The following PHF10 variants were observed in gnomAD, a reference collection of about 807,000 sequenced individuals.
PHF10 encodes BRG1-associated factor 45a.
PHF10 carries 51 observed loss-of-function variants against 68.5 expected under a neutral mutation model. The observed-to-expected ratio is 0.74, with a 90% CI of 0.59 to 0.94. The LOEUF is 0.94. PHF10 is among the 40% of genes least tolerant of loss of function. The pLI is 0.00. For missense variants in PHF10, 460 were observed against 602.6 expected (o/e 0.76, Z 2.48); for synonymous variants, 204 against 203.5 (o/e 1.00, Z -0.02).
chr6:169,720,989 G>A lies in PHF10; in HGVS notation c.194+16C>T, dbSNP rs772535705. ...AACATCACAAAAAATATTAATAACC[G>A]ATAAAATGACAGTACCCAAGATCTT... On this transcript the variant is annotated intron_variant, in intron 2 of 11. Coordinates refer to ENST00000339209, the MANE Select transcript of PHF10 (RefSeq NM_018288.4). 29 of 1,375,014 alleles carry A rather than the reference G, an allele frequency of 2.1e-5. No homozygotes were observed. The South Asian group carries it at 2.5e-4, about 12-fold the overall frequency. The allele number at this position is 1,375,014 out of a possible 1,614,324, so 85.2% of individuals were successfully genotyped here.
intron 11 of PHF10, 67 bp from the exon 12 acceptor site, chr6:169,704,155 A>G: frequency 8.3e-7 from 1 of 1,200,748 alleles, no homozygotes; most frequent in South Asian, 1.6e-5. Flanking sequence ...AAGCCCATCT[A>G]AACTCTTCTG....
intron 7 of PHF10, among the ~76,000 whole-genome samples, chr6:169,714,417 T>C (rs1788996764): frequency 6.6e-6 from 1 of 152,236 alleles, no homozygotes; most frequent in South Asian, 2.1e-4. Context: ...TCCAACAAGC[T>C]TCTGAGCAAT....
chr6:169,704,939 T>C (rs1788724252), intron 11 of PHF10, 194 bp downstream of exon 11: 4 of 426,638 alleles, frequency 9.4e-6, no homozygotes, highest in Non-Finnish European at 1.7e-5. Flanking sequence ...TTCTGGCCTT[T>C]CACTTATCCT....
Position 169,712,487 on chromosome 6 carries a change from G to T in PHF10, c.856C>A (p.Pro286Thr), listed in dbSNP as rs1182586191. The T allele has an allele frequency of 6.2e-7, 1 of 1,613,446 alleles. No individual in the cohort carries two copies. Among genetic ancestry groups the T allele is most frequent in the Non-Finnish European group, 8.5e-7 (1 of 1,179,406 alleles). ...GCAGGGAGCTCAGGATCCAGAGGGGGCTCATACAGGGCTGTGTTTAATGGC... is the reference window on the plus strand; with the variant it reads ...GCAGGGAGCTCAGGATCCAGAGGGGTCTCATACAGGGCTGTGTTTAATGGC... ...YLPLNTALYE[P>T]PLDPELPALD... The change falls in exon 8 of 12, where the codon CCC becomes ACC. Residue 286 changes from proline to threonine, a missense_variant. Pro to Thr is a conservative substitution (Grantham distance 38). Transcript: ENST00000339209.
At chr6:169,711,675 C>G (rs1469523243) in intron 8 of PHF10, among the ~76,000 whole-genome samples, 1 of 152,174 alleles carries the variant, frequency 6.6e-6, no homozygotes, top group African/African-American at 2.4e-5. Context: ...TCTTATTTTG[C>G]ATAATATGTA....
intron 8 of PHF10, among the ~76,000 whole-genome samples, chr6:169,710,754 T>C (rs1157332622): frequency 1.3e-5 from 2 of 152,144 alleles, no homozygotes; most frequent in African/African-American, 4.8e-5. Context: ...CAAAAATATA[T>C]TGTTACAAAT....
intron 8 of PHF10, among the ~76,000 whole-genome samples, chr6:169,711,362 A>G (rs1212249938): frequency 6.6e-6 from 1 of 152,198 alleles, no homozygotes; most frequent in Non-Finnish European, 1.5e-5. Flanking sequence ...ATTAAAATTT[A>G]TTTGTAACTT....
rs1171146413 is a variant in PHF10 at position 169,723,947 on chromosome 6, GCGCCGC to G, written c.-22_-17del. 2.5e-5 allele frequency: 22 copies of G among 883,236 alleles called. No homozygotes were observed. Among genetic ancestry groups the G allele is most frequent in the African/African-American group, 3.7e-5 (2 of 53,754 alleles). 54.7% of individuals were successfully genotyped at this position (883,236 alleles called of 1,614,324 possible). A position where few individuals can be genotyped will look rare whatever the true frequency, so the allele number is the denominator to read the frequency against. ...CCGCCGCCATCAGCCCGAGCGCCCC[GCGCCGC>G]CGCCGCCGCCGTCGCCTCCGCCTTG... On this transcript the variant is annotated 5_prime_UTR_variant, in exon 1 of 12. Transcript: ENST00000339209.
At position 169,706,700 on chromosome 6, in the gene PHF10, T is replaced by C. The variant is rs573765292; in HGVS notation, c.1114-976A>G. ...GAGCAAGCATGGGCCAAGAATGAAATGGGGTAAGGGGACATACATACATAC... is the reference window on the plus strand; with the variant it reads ...GAGCAAGCATGGGCCAAGAATGAAACGGGGTAAGGGGACATACATACATAC... On this transcript the variant is annotated intron_variant, in intron 9 of 11. Coordinates refer to ENST00000339209, the MANE Select transcript of PHF10 (RefSeq NM_018288.4). Among the ~76,000 whole-genome samples, 7 of 144,596 alleles carry C rather than the reference T, an allele frequency of 4.8e-5. No homozygotes were observed. In the South Asian group the frequency reaches 6.5e-4, roughly 13 times the overall value. 94.9% of individuals were successfully genotyped at this position (144,596 alleles called of 152,430 possible). A position where few individuals can be genotyped will look rare whatever the true frequency, so the allele number is the denominator to read the frequency against.
chr6:169,715,919 C>A (rs777865148), intron 5 of PHF10, 36 bp downstream of exon 5: 2 of 1,596,080 alleles, frequency 1.3e-6, no homozygotes, highest in Non-Finnish European at 1.7e-6. Flanking sequence ...TTTTCCCCAA[C>A]CCAAATAAAA....
chr6:169,706,290 C>T (rs563675261), intron 9 of PHF10, among the ~76,000 whole-genome samples: 23 of 151,422 alleles, frequency 1.5e-4, no homozygotes, highest in South Asian at 6.3e-4. Flanking sequence ...TGTACATAAA[C>T]GTTTGTGGAA....
Position 169,721,099 on chromosome 6 carries a change from CTTCA to C in PHF10, c.96_99del (p.Asn32LysfsTer42). 2 of 1,507,330 alleles carry C rather than the reference CTTCA, an allele frequency of 1.3e-6. No individual in the cohort carries two copies. Among genetic ancestry groups the C allele is most frequent in the Non-Finnish European group, 1.8e-6 (2 of 1,108,102 alleles). 93.4% of individuals were successfully genotyped at this position (1,507,330 alleles called of 1,614,324 possible). A position where few individuals can be genotyped will look rare whatever the true frequency, so the allele number is the denominator to read the frequency against. On this transcript the variant is annotated frameshift_variant, in exon 2 of 12. Transcript: ENST00000339209. LOFTEE classifies it high-confidence loss of function. ...GGCTGGGTCCCATCATTTGAATTAT[CTTCA>C]TTATCATCCTATACATTTAAAAGAT...
chr6:169,718,989 A>G, intron 2 of PHF10, 71 bp from the exon 3 acceptor site: 2 of 1,041,308 alleles, frequency 1.9e-6, no homozygotes, highest in South Asian at 3.0e-5. Flanking sequence ...TATTGAGGAT[A>G]TTTTGAAAAC....
At chr6:169,710,641 T>C (rs548892669) in intron 8 of PHF10, among the ~76,000 whole-genome samples, 1 of 152,336 alleles carries the variant, frequency 6.6e-6, no homozygotes, top group East Asian at 1.9e-4. Context: ...TCAACTTTGT[T>C]TTCTGACATA....
At position 169,715,952 on chromosome 6, in the gene PHF10, T is replaced by C. The variant is rs1340241503; in HGVS notation, c.543+3A>G. The C allele has an allele frequency of 6.2e-7, 1 of 1,601,246 alleles. No homozygotes were observed. Among genetic ancestry groups the C allele is most frequent in the South Asian group, 1.1e-5 (1 of 88,866 alleles). ...AAAAATGCCAGTCACCTCAATTACTTACGGAATACTCTTTATAATGGTCTG... is the reference window on the plus strand; with the variant it reads ...AAAAATGCCAGTCACCTCAATTACTCACGGAATACTCTTTATAATGGTCTG... On this transcript the variant is annotated splice_donor_region_variant and intron_variant, in intron 5 of 11. Transcript: ENST00000339209.
chr6:169,712,457 C>T lies in PHF10; in HGVS notation c.886G>A (p.Asp296Asn), dbSNP rs759516659. Residue 296 changes from aspartate to asparagine, a missense_variant, in exon 8 of 12, where the codon GAC (aspartate) becomes AAC (asparagine). By Grantham distance (23) the Asp-to-Asn change is conservative (BLOSUM62 1). Around this residue, in one of 3 missense-constraint regions of PHF10, gnomAD observed 256 missense variants for 410.5 expected, o/e 0.62. Transcript: ENST00000339209. ...CCATCATCTGAATCACCATCACTGT[C>T]TAGAGCAGGGAGCTCAGGATCCAGA... ...PPLDPELPAL[D>N]SDGDSDDGED... is the part of the protein sequence containing the mutation. 1.2e-5 allele frequency: 19 copies of T among 1,614,062 alleles called. No individual in the cohort carries two copies. The South Asian group carries it at 2.0e-4, about 17-fold the overall frequency.
intron 3 of PHF10, among the ~76,000 whole-genome samples, chr6:169,718,473 G>A (rs1789102803): frequency 6.6e-6 from 1 of 152,056 alleles, no homozygotes; most frequent in Non-Finnish European, 1.5e-5. Context: ...ACCACGCTGG[G>A]CAACATAGCA....
chr6:169,718,663 T>C, intron 3 of PHF10, 125 bp downstream of exon 3: 1 of 615,804 alleles, frequency 1.6e-6, no homozygotes, highest in Non-Finnish European at 2.7e-6. Flanking sequence ...ATGAGACCCT[T>C]AGTCTTAAAA....
chr6:169,722,917 C>T (rs1475295367), intron 1 of PHF10, among the ~76,000 whole-genome samples: 1 of 152,198 alleles, frequency 6.6e-6, no homozygotes, highest in Non-Finnish European at 1.5e-5. Context: ...GCTGGAAGTG[C>T]AAGGATGTGC....
Sources: gnomAD v4.1 joint callset for allele counts (sites outside exome capture counted in the v4.1 genomes callset) on GRCh38, gnomAD v4.1.1 for gene constraint, gnomAD v4.1.1 regional missense constraint, MANE v1.5 for transcripts, NCBI Gene and HGNC (gene_info 2026-07-23, HGNC 2026-07-21) for gene names.